NPDC1: variants seen among roughly 807,000 people sequenced by gnomAD.
NPDC1 encodes the protein neural proliferation, differentiation and control 1.
Under a neutral mutation model 32.5 loss-of-function variants are expected in NPDC1, and 18 were observed. The ratio of observed to expected loss-of-function variants is 0.55; its 90% CI spans 0.38 to 0.82. NPDC1 has a LOEUF of 0.82. Among genes scored for constraint, NPDC1 ranks in the 40% least tolerant of loss-of-function variants. The pLI is 0.00. For synonymous variants in NPDC1, 210 were observed against 184.7 expected (o/e 1.14, Z -1.11); for missense variants, 468 against 406.6 (o/e 1.15, Z -1.30).
At position 137,040,494 on chromosome 9, in the gene NPDC1, G is replaced by A. The variant is rs1564245997; in HGVS notation, c.708+20C>T. 1 of 1,585,284 alleles carries A rather than the reference G, an allele frequency of 6.3e-7. No individual in the cohort carries two copies. Among genetic ancestry groups the A allele is most frequent in the Non-Finnish European group, 8.5e-7 (1 of 1,169,712 alleles). ...GGCCAGAGTTGGGCGGGAGCCTCAG[G>A]GCTGAAGGGGGCCACACACCGAGAT... On this transcript the variant is annotated intron_variant, in intron 6 of 8. Transcript: ENST00000371601.
intron 1 of NPDC1, among the ~76,000 whole-genome samples, chr9:137,045,089 C>T (rs549498979): frequency 6.6e-6 from 1 of 152,236 alleles, no homozygotes; most frequent in Admixed American, 6.5e-5. Context: ...AGTTCAGTCC[C>T]CCCAGAAAAA....
chr9:137,042,559 CTTTTT>C (rs59591013), intron 2 of NPDC1, among the ~76,000 whole-genome samples: 9 of 65,706 alleles, frequency 1.4e-4, no homozygotes, highest in Admixed American at 1.7e-4. Flanking sequence ...TCCCGGCCTT[CTTTTT>C]TTTTTTTTTT....
At chr9:137,044,019 C>A in intron 1 of NPDC1, 1 of 153,302 alleles carries the variant, frequency 6.5e-6, no homozygotes, top group South Asian at 2.1e-4. Context: ...GCCATCAACC[C>A]TGCCTGGGGA....
At chr9:137,040,775 G>A (rs1465412196) in intron 4 of NPDC1, 38 bp from the exon 5 acceptor site, 2 of 1,584,336 alleles carry the variant, frequency 1.3e-6, no homozygotes, top group Admixed American at 3.5e-5. Flanking sequence ...CTTCTGCAGG[G>A]CGCCCTGCTG....
chr9:137,044,092 C>G (rs1030623311), intron 1 of NPDC1: 1 of 152,498 alleles, frequency 6.6e-6, no homozygotes, highest in Non-Finnish European at 1.5e-5. Flanking sequence ...ACACTGCACA[C>G]TGCAGGCAGG....
At position 137,040,398 on chromosome 9, in the gene NPDC1, G is replaced by A. The variant is rs1405922321; in HGVS notation, c.747C>T (p.Tyr249=). The A allele has an allele frequency of 6.5e-7, 1 of 1,548,214 alleles. No individual in the cohort carries two copies. The highest frequency in any genetic ancestry group is 8.7e-7 in the Non-Finnish European group (1 of 1,147,106). Residue 249 remains tyrosine, a synonymous_variant, in exon 7 of 9, where the codon TAC becomes TAT. Coordinates refer to ENST00000371601, the MANE Select transcript of NPDC1 (RefSeq NM_015392.4). ...TCTGTTGCCGTTGGTGCTGGTAGTG[G>A]TACATCTCCGCGCTCTGTGCCAGCC... The part of the protein sequence containing the change: ...DQRLAQSAEM[Y]HYQHQRQQML...
rs752206778 is a variant in NPDC1, at chr9:137,040,911, G to A, written c.459C>T (p.Pro153=). Residue 153 remains proline (P), a synonymous_variant, in exon 4 of 9, where the codon CCC becomes CCT. Transcript: ENST00000371601. ...GGGAGCCCAGGGAGGTGTGGGGCGT[G>A]GGCGTGGGGGTTCCTGGAGTGGAGG... ...GLPSTPGTPT[P]TPHTSLGSPV... 2 of 1,571,330 alleles carry A rather than the reference G, an allele frequency of 1.3e-6. No individual in the cohort carries two copies. The highest frequency in any genetic ancestry group is 1.7e-6 in the Non-Finnish European group (2 of 1,161,430).
chr9:137,043,383 C>A (rs554153684), intron 1 of NPDC1: 1 of 703,540 alleles, frequency 1.4e-6, no homozygotes, highest in South Asian at 1.5e-5. Context: ...TGGGCAGGGC[C>A]GTGCAGCCCC....
At position 137,042,999 on chromosome 9, in the gene NPDC1, A is replaced by G; in HGVS notation, c.187T>C (p.Cys63Arg). 6.2e-7 allele frequency: 1 copy of G among 1,612,784 alleles called. No individual in the cohort carries two copies. Among genetic ancestry groups the G allele is most frequent in the Non-Finnish European group, 8.5e-7 (1 of 1,179,920 alleles). ...TGGAAGGGCTGAAGGCAGGGCCCAC[A>G]GGCATGTGCACCAGGAGGACACCTT... is the stretch of plus-strand genomic sequence containing the variant. ...RARCPPGAHA[C>R]GPCLQPFQED... The change falls in exon 2 of 9, where the codon TGT becomes CGT. Residue 63 changes from cysteine to arginine, a missense_variant. Coordinates refer to ENST00000371601, the MANE Select transcript of NPDC1 (RefSeq NM_015392.4).
At chr9:137,043,729 C>T (rs989341572) in intron 1 of NPDC1, 7 of 283,122 alleles carry the variant, frequency 2.5e-5, no homozygotes, top group East Asian at 1.3e-4. Flanking sequence ...AGGTGGCACC[C>T]GAGGGCCTCA....
In NPDC1 at chr9:137,045,506, A is replaced by T. The variant is rs1332924796; in HGVS notation, c.112+372T>A. On this transcript the variant is annotated intron_variant, in intron 1 of 8. Coordinates refer to ENST00000371601, the MANE Select transcript of NPDC1 (RefSeq NM_015392.4). ...TCAGGGCCAGCCCCACACCCGCAGG[A>T]GCCCCGAACACGGAGACACAGAGAC... Among the ~76,000 whole-genome samples, 4 of 152,258 alleles carry T rather than the reference A, an allele frequency of 2.6e-5. No individual in the cohort carries two copies. The East Asian group carries it at 7.7e-4, about 29-fold the overall frequency.
At chr9:137,041,375 A>G (rs995055553) in intron 2 of NPDC1, among the ~76,000 whole-genome samples, 188 bp from the exon 3 acceptor site, 12 of 152,162 alleles carry the variant, frequency 7.9e-5, no homozygotes, top group Admixed American at 7.2e-4. Context: ...GCTTCCCGGA[A>G]AGTGGAGGCA....
chr9:137,044,486 GC>G (rs1256029450), intron 1 of NPDC1, among the ~76,000 whole-genome samples: 2 of 152,182 alleles, frequency 1.3e-5, no homozygotes, highest in Non-Finnish European at 2.9e-5. Flanking sequence ...TGGGTTCCAG[GC>G]CCCTCCTAGC....
chr9:137,042,707 G>C (rs1588548823), intron 2 of NPDC1, among the ~76,000 whole-genome samples: 1 of 151,926 alleles, frequency 6.6e-6, no homozygotes, highest in Non-Finnish European at 1.5e-5. Flanking sequence ...CTACAGGTGT[G>C]TGCCACCACA....
At chr9:137,040,149 C>A in intron 7 of NPDC1, 82 bp from the exon 8 acceptor site, 2 of 719,902 alleles carry the variant, frequency 2.8e-6, no homozygotes, top group Non-Finnish European at 5.0e-6. Context: ...CTCAGCCCAC[C>A]TCAGCCCTGG....
In NPDC1 at chr9:137,040,522, G is replaced by T; in HGVS notation, c.700C>A (p.Arg234=). The T allele has an allele frequency of 1.3e-6, 2 of 1,589,988 alleles. No homozygotes were observed. The highest frequency in any genetic ancestry group is 8.5e-7 in the Non-Finnish European group (1 of 1,173,466). The change falls in exon 6 of 9, where the codon CGG becomes AGG. Residue 234 remains arginine, a synonymous_variant. Coordinates refer to ENST00000371601, the MANE Select transcript of NPDC1 (RefSeq NM_015392.4). ...TGAAGGGGGCCACACACCGAGATCCGGGGAGCTGCAGGTGAGCCAGGGGCC... is the reference window on the plus strand; with the variant it reads ...TGAAGGGGGCCACACACCGAGATCCTGGGAGCTGCAGGTGAGCCAGGGGCC... ...AKAPGSPAAP[R]ISPGDQRLAQ...
rs776912138 is a variant in NPDC1 at position 137,040,084 on chromosome 9, C to T, written c.789-17G>A. 2.2e-5 allele frequency: 17 copies of T among 774,256 alleles called. No homozygotes were observed. The highest frequency in any genetic ancestry group is 5.4e-5 in the South Asian group (4 of 74,362). The allele number at this position is 774,256 out of a possible 1,614,324, so 48.0% of individuals were successfully genotyped here. On this transcript the variant is annotated splice_polypyrimidine_tract_variant and intron_variant, in intron 7 of 8. Transcript: ENST00000371601. ...TCTTTATGCCTGGGTGGGGGGGGAT[C>T]GCTGGGTCCTCCCCATGCCCTCGAG...
chr9:137,042,042 T>C (rs1370004503), intron 2 of NPDC1, among the ~76,000 whole-genome samples: 1 of 152,204 alleles, frequency 6.6e-6, no homozygotes, highest in Non-Finnish European at 1.5e-5. Context: ...AATGGGCCCT[T>C]CCTCTCCCGT....
intron 1 of NPDC1, among the ~76,000 whole-genome samples, chr9:137,045,491 C>T (rs953815586): frequency 6.6e-6 from 1 of 152,206 alleles, no homozygotes; most frequent in Non-Finnish European, 1.5e-5. Context: ...TCAGGGCCAG[C>T]CCCACACCCG....
Sources: gnomAD v4.1 joint callset for allele counts (sites outside exome capture counted in the v4.1 genomes callset) on GRCh38, gnomAD v4.1.1 for gene constraint, MANE v1.5 for transcripts, NCBI Gene and HGNC (gene_info 2026-07-23, HGNC 2026-07-21) for gene names.